Variants in HOGA1 observed in about 807,000 individuals in gnomAD.
HOGA1 encodes the protein 4-hydroxy-2-oxoglutarate aldolase 1.
Under a neutral mutation model 34.3 loss-of-function variants are expected in HOGA1, and 30 were observed. The ratio of observed to expected loss-of-function variants is 0.87; its 90% CI spans 0.65 to 1.19. The LOEUF (loss-of-function observed/expected upper bound fraction) is 1.19. Among genes scored for constraint, HOGA1 ranks in the 50% most tolerant of loss-of-function variants. The probability of loss-of-function intolerance (pLI) is 0.00; values close to 1 mark genes in which losing one functional copy is unlikely to be tolerated. For synonymous variants in HOGA1, 161 were observed against 174.0 expected (o/e 0.93, Z 0.59); for missense variants, 417 against 436.5 (o/e 0.96, Z 0.40).
In HOGA1 at chr10:97,584,822, C is replaced by T. The variant is rs1173270983; in HGVS notation, c.119C>T (p.Pro40Leu). ...GKKVDIAGIY[P>L]PVTTPFTATA... ...AAGGTGGACATTGCGGGTATCTACC[C>T]CCCTGTGACCACCCCCTTCACTGCC... Residue 40 changes from proline to leucine, a missense_variant, in exon 1 of 7, where the codon CCC becomes CTC. By Grantham distance (98) the Pro-to-Leu change is moderately conservative. Coordinates refer to ENST00000370646, the MANE Select transcript of HOGA1 (RefSeq NM_138413.4). 1.2e-6 allele frequency: 2 copies of T among 1,614,088 alleles called. No homozygotes were observed. The highest frequency in any genetic ancestry group is 1.7e-6 in the Non-Finnish European group (2 of 1,179,986).
intron 6 of HOGA1, chr10:97,602,231 A>G: frequency 6.6e-7 from 1 of 1,506,508 alleles, no homozygotes; most frequent in Non-Finnish European, 8.9e-7. Context: ...GGGGCGAATT[A>G]AAGTTCCAAC....
At chr10:97,585,128 A>G (rs1164694069) in intron 1 of HOGA1, among the ~76,000 whole-genome samples, 2 of 152,108 alleles carry the variant, frequency 1.3e-5, no homozygotes, top group African/African-American at 4.8e-5. Flanking sequence ...GCTAAACCTC[A>G]CCTGCTTCAG....
At chr10:97,608,030 C>T (rs2041169448) in intron 6 of HOGA1, among the ~76,000 whole-genome samples, 1 of 152,230 alleles carries the variant, frequency 6.6e-6, no homozygotes, top group African/African-American at 2.4e-5. Context: ...AAGACACCAG[C>T]AGGGCACAGT....
chr10:97,585,149 T>A (rs1176257773), intron 1 of HOGA1, among the ~76,000 whole-genome samples: 1 of 152,238 alleles, frequency 6.6e-6, no homozygotes, highest in Admixed American at 6.5e-5. Flanking sequence ...TTTACCCAGC[T>A]GTAAACTGTT....
chr10:97,589,422 A>G (rs2040999425), intron 1 of HOGA1, among the ~76,000 whole-genome samples: 1 of 151,564 alleles, frequency 6.6e-6, no homozygotes, highest in African/African-American at 2.4e-5. Flanking sequence ...AGATGGGGAG[A>G]GAGAGAAACC....
rs939579992 is a variant in HOGA1, at chr10:97,603,101, G to A, written c.834+1111G>A. Among the ~76,000 whole-genome samples, 8 of 151,766 alleles carry A rather than the reference G, an allele frequency of 5.3e-5. No homozygotes were observed. The highest frequency in any genetic ancestry group is 1.5e-4 in the African/African-American group (6 of 41,306). ...ACTGCAACCTCCGCCTCCCTGGTGC[G>A]AGCAATTCTCCTGTCTCAGCTTCCC... On this transcript the variant is annotated intron_variant, in intron 6 of 6. Transcript: ENST00000370646. The surrounding 1 kb of genome is among the most constrained non-coding windows in gnomAD (Gnocchi z 4.5).
chr10:97,599,447 A>C (rs1352330414), intron 3 of HOGA1: 1 of 717,328 alleles, frequency 1.4e-6, no homozygotes, highest in Non-Finnish European at 2.4e-6. Flanking sequence ...TGCAGTGAGC[A>C]TTAAATGAGA....
intron 6 of HOGA1, among the ~76,000 whole-genome samples, chr10:97,610,963 A>G (rs2041190972): frequency 1.3e-5 from 2 of 152,230 alleles, no homozygotes; most frequent in Non-Finnish European, 2.9e-5. Flanking sequence ...TTATACAACA[A>G]AACTTCCTTG....
intron 1 of HOGA1, among the ~76,000 whole-genome samples, chr10:97,585,411 T>A (rs1279813662): frequency 6.6e-6 from 1 of 152,144 alleles, no homozygotes. Flanking sequence ...TGTGACCCCA[T>A]CTCTCTTTAC....
chr10:97,606,128 C>CAAAAAAAAAAAA (rs60230634), intron 6 of HOGA1, among the ~76,000 whole-genome samples: 3 of 95,142 alleles, frequency 3.2e-5, no homozygotes, highest in East Asian at 3.3e-4. Flanking sequence ...ACTAAAAATA[C>CAAAAAAAAAAAA]AAAAAAAAAA....
rs527377981 is a variant in HOGA1 at position 97,599,236 on chromosome 10, C to T, written c.468+20C>T. ...ACCAAGGTGTGTGTGAGGCCTGAGA[C>T]CAAGAGGAGGCTCTGCCCAGGGAGA... On this transcript the variant is annotated intron_variant, in intron 3 of 6. Transcript: ENST00000370646. 39 of 1,613,726 alleles carry T rather than the reference C, an allele frequency of 2.4e-5. No individual in the cohort carries two copies. The South Asian group carries it at 3.7e-4, about 15-fold the overall frequency.
intron 6 of HOGA1, among the ~76,000 whole-genome samples, chr10:97,606,355 AT>A (rs1387341926): frequency 2.0e-5 from 3 of 151,258 alleles, no homozygotes; most frequent in Non-Finnish European, 4.4e-5. Context: ...ATTTTCTCTT[AT>A]TTTTTTCTTT....
chr10:97,602,435 T>C (rs1172524945), intron 6 of HOGA1: 1 of 985,186 alleles, frequency 1.0e-6, no homozygotes, highest in Non-Finnish European at 1.2e-6. Flanking sequence ...CAGGAGAGTG[T>C]TGTCTTCAAA....
chr10:97,587,102 G>A (rs1260251423), intron 1 of HOGA1, among the ~76,000 whole-genome samples: 2 of 152,082 alleles, frequency 1.3e-5, no homozygotes, highest in Non-Finnish European at 2.9e-5. Context: ...AGAGATAGAG[G>A]GTCCCTTCCC....
chr10:97,599,419 T>A (rs1319007124), intron 3 of HOGA1: 1 of 715,032 alleles, frequency 1.4e-6, no homozygotes, highest in Admixed American at 2.5e-5. Context: ...AGGAATGATG[T>A]CATCTGTCTC....
chr10:97,607,621 C>A (rs2041166916), intron 6 of HOGA1, among the ~76,000 whole-genome samples: 1 of 152,108 alleles, frequency 6.6e-6, no homozygotes, highest in Admixed American at 6.6e-5. Flanking sequence ...CTTCTCTCTG[C>A]CTTCCAGAGT....
chr10:97,608,543 G>A (rs1333376563), intron 6 of HOGA1, among the ~76,000 whole-genome samples: 12 of 151,942 alleles, frequency 7.9e-5, no homozygotes, highest in Admixed American at 7.2e-4. Context: ...GGTGGCTCAC[G>A]CCTGTAATCC....
At position 97,599,729 on chromosome 10, in the gene HOGA1, A is replaced by G. The variant is rs2041101194; in HGVS notation, c.518A>G (p.Asn173Ser). 4 of 1,614,024 alleles carry G rather than the reference A, an allele frequency of 2.5e-6. No individual in the cohort carries two copies. Among genetic ancestry groups the G allele is most frequent in the Non-Finnish European group, 3.4e-6 (4 of 1,179,930 alleles). Residue 173 changes from asparagine (N) to serine (S), a missense_variant, in exon 4 of 7, where the codon AAC becomes AGC. Transcript: ENST00000370646. ...IPVVLYSVPA[N>S]TGLDLPVDAV... ...GTGGTGCTGTACAGTGTCCCAGCCA[A>G]CACAGGGCTGGACCTGCCTGTGGAT...
intron 1 of HOGA1, 131 bp downstream of exon 1, chr10:97,585,045 G>T (rs2040957264): frequency 2.7e-6 from 2 of 748,794 alleles, no homozygotes; most frequent in Non-Finnish European, 4.6e-6. Context: ...ATTTTATTAT[G>T]GGAGAGGAAC....
Sources: allele counts gnomAD v4.1 joint callset (sites outside exome capture counted in the v4.1 genomes callset), GRCh38; gene constraint gnomAD v4.1.1; non-coding constraint Gnocchi (gnomAD v3.1); transcripts MANE v1.5; gene names NCBI Gene and HGNC (gene_info 2026-07-23, HGNC 2026-07-21).